The following ADARB2 variants were observed in gnomAD, a reference collection of about 807,000 sequenced individuals.
The protein encoded by ADARB2 is inactive double-stranded RNA-specific editase B2.
A neutral mutation model predicts 62.2 loss-of-function variants in ADARB2; 25 were observed. That is an observed-to-expected ratio of 0.40 (90% confidence interval 0.29 to 0.56). The LOEUF is 0.56. Among genes scored for constraint, ADARB2 ranks in the 20% least tolerant of loss-of-function variants. ADARB2 has a pLI of 0.43. For synonymous variants in ADARB2, 572 were observed against 500.8 expected, an observed-to-expected ratio of 1.14 and a Z score of -1.90; for missense variants, 1,071 against 1,077.4, an observed-to-expected ratio of 0.99 and a Z score of 0.08.
intron 4 of ADARB2, among the ~76,000 whole-genome samples, chr10:1,253,209 T>C (rs1564236544): frequency 6.6e-6 from 1 of 152,218 alleles, no homozygotes; most frequent in Non-Finnish European, 1.5e-5. Context: ...TTATGATACA[T>C]ATATTTCTGT....
At chr10:1,653,668 C>G (rs1289111318) in intron 1 of ADARB2, among the ~76,000 whole-genome samples, 1 of 152,000 alleles carries the variant, frequency 6.6e-6, no homozygotes, top group Non-Finnish European at 1.5e-5. Context: ...TGCAGAGCCG[C>G]AGGGTCTGGG....
intron 1 of ADARB2, among the ~76,000 whole-genome samples, chr10:1,457,004 C>A (rs923958337): frequency 1.3e-5 from 2 of 152,054 alleles, no homozygotes; most frequent in African/African-American, 4.8e-5. Flanking sequence ...ACCATCTCTG[C>A]CCGCCTCGGC....
At chr10:1,709,827 G>C (rs17221979) in intron 1 of ADARB2, among the ~76,000 whole-genome samples, 50,026 of 152,122 alleles carry the variant, frequency 0.33, 8,850 homozygotes, top group Middle Eastern at 0.47. Context: ...CAGCTCAGCT[G>C]TGTTATTGAG....
intron 5 of ADARB2, 78 bp downstream of exon 5, chr10:1,242,053 G>A: frequency 3.4e-6 from 5 of 1,459,826 alleles, no homozygotes; most frequent in Non-Finnish European, 4.6e-6. Flanking sequence ...TCTGAGCCAG[G>A]CATGGGGCCC....
chr10:1,288,758 G>T (rs1039673062), intron 3 of ADARB2, among the ~76,000 whole-genome samples: 2 of 152,220 alleles, frequency 1.3e-5, no homozygotes, highest in African/African-American at 4.8e-5. Flanking sequence ...TCAAGACCAC[G>T]GGGTACTTCT....
chr10:1,207,966 G>A (rs61831971), intron 7 of ADARB2, among the ~76,000 whole-genome samples: 41,148 of 152,138 alleles, frequency 0.27, 6,837 homozygotes, highest in South Asian at 0.45. Context: ...AAAACAGGCC[G>A]CGTCCACAGG....
intron 1 of ADARB2, among the ~76,000 whole-genome samples, chr10:1,647,658 GTA>G (rs1266718196): frequency 6.6e-6 from 1 of 151,796 alleles, no homozygotes; most frequent in African/African-American, 2.4e-5. Context: ...GGGTATATGA[GTA>G]TATATGTGTA....
Position 1,181,675 on chromosome 10 carries a change from T to G in ADARB2, c.*1518A>C. The G allele has an allele frequency of 6.6e-6, 1 of 152,274 alleles. No individual in the cohort carries two copies. The highest frequency in any genetic ancestry group is 1.9e-4 in the East Asian group (1 of 5,204). 9.4% of individuals were successfully genotyped at this position (152,274 alleles called of 1,614,324 possible). A position where few individuals can be genotyped will look rare whatever the true frequency, so the allele number is the denominator to read the frequency against. ...ACAGCACAATGTTATTCTTGCACTT[T>G]CTGGGGTGGTCAGCTGGGATTCTTT... On this transcript the variant is annotated 3_prime_UTR_variant, in exon 10 of 10. Coordinates refer to ENST00000381312, the MANE Select transcript of ADARB2 (RefSeq NM_018702.4).
intron 1 of ADARB2, among the ~76,000 whole-genome samples, chr10:1,735,354 C>A (rs1047231948): frequency 1.3e-5 from 2 of 152,212 alleles, no homozygotes; most frequent in Non-Finnish European, 2.9e-5. Flanking sequence ...TCTAAGCTAG[C>A]ATGACTGACG....
At chr10:1,524,862 C>T (rs1832120868) in intron 1 of ADARB2, among the ~76,000 whole-genome samples, 1 of 152,170 alleles carries the variant, frequency 6.6e-6, no homozygotes, top group South Asian at 2.1e-4. Flanking sequence ...CAGCCTAGAA[C>T]TAGCAGTCTG....
At chr10:1,245,148 G>A (rs1332826978) in intron 4 of ADARB2, among the ~76,000 whole-genome samples, 1 of 152,238 alleles carries the variant, frequency 6.6e-6, no homozygotes, top group East Asian at 1.9e-4. Flanking sequence ...TGAGGACTTA[G>A]GAAGCACCCT....
chr10:1,581,826 A>ATGTG lies in ADARB2; in HGVS notation c.100+155221_100+155224dup, dbSNP rs56180704. Among the ~76,000 whole-genome samples the ATGTG allele has an allele frequency of 2.5e-3, 367 of 148,492 alleles. 1 individual carries two copies. The highest frequency in any genetic ancestry group is 7.5e-3 in the African/African-American group (299 of 39,948). On this transcript the variant is annotated intron_variant, in intron 1 of 9. Transcript: ENST00000381312. ...AGGCATAGAGATGACTTAGAAATAG[A>ATGTG]TGTGTGTGTGTGTGTGTGTGTGTGT...
At position 1,632,347 on chromosome 10, in the gene ADARB2, A is replaced by T. The variant is rs940445573; in HGVS notation, c.100+104704T>A. Among the ~76,000 whole-genome samples the T allele has an allele frequency of 2.0e-5, 3 of 152,216 alleles. No homozygotes were observed. In the East Asian group the frequency reaches 5.8e-4, roughly 29 times the overall value. On this transcript the variant is annotated intron_variant, in intron 1 of 9. Coordinates refer to ENST00000381312, the MANE Select transcript of ADARB2 (RefSeq NM_018702.4). Reference sequence around the variant, plus strand: ...TACTCACGTGCACACACATGCACACACAGTACACGTATACTCACACAGGCT... The same window carrying T: ...TACTCACGTGCACACACATGCACACTCAGTACACGTATACTCACACAGGCT...
chr10:1,462,815 CTGTGTGTAGTGTGCA>C (rs1831195741), intron 1 of ADARB2, among the ~76,000 whole-genome samples: 1 of 151,562 alleles, frequency 6.6e-6, no homozygotes, highest in South Asian at 2.1e-4. Context: ...ATGTGTGTGT[CTGTGTGTAGTGTGCA>C]TGTGTGTATG....
At chr10:1,281,638 T>C (rs1477285419) in intron 3 of ADARB2, among the ~76,000 whole-genome samples, 2 of 152,210 alleles carry the variant, frequency 1.3e-5, no homozygotes, top group South Asian at 2.1e-4. Context: ...ACAGAGACTG[T>C]CACCCCAGAG....
intron 3 of ADARB2, among the ~76,000 whole-genome samples, chr10:1,335,672 A>G (rs1831967466): frequency 1.3e-5 from 2 of 152,140 alleles, no homozygotes; most frequent in African/African-American, 4.8e-5. Flanking sequence ...CTTTTCTAAA[A>G]CCTGAGGAAC....
intron 8 of ADARB2, among the ~76,000 whole-genome samples, chr10:1,193,435 G>A (rs1212101016): frequency 2.6e-5 from 4 of 152,288 alleles, no homozygotes; most frequent in African/African-American, 9.6e-5. Flanking sequence ...CAAAAGATAT[G>A]GGACAAAGGG....
intron 1 of ADARB2, among the ~76,000 whole-genome samples, chr10:1,387,018 C>G (rs1832531045): frequency 6.6e-6 from 1 of 151,670 alleles, no homozygotes. Context: ...GTAAGTGACC[C>G]AAGAGTTAAA....
intron 1 of ADARB2, among the ~76,000 whole-genome samples, chr10:1,563,391 C>T (rs1228481413): frequency 4.6e-5 from 7 of 152,168 alleles, no homozygotes; most frequent in Non-Finnish European, 1.0e-4. Context: ...TGTGTCCCTG[C>T]GTCCCCCTCA....
Sources: gnomAD v4.1 joint callset for allele counts (sites outside exome capture counted in the v4.1 genomes callset) on GRCh38, gnomAD v4.1.1 for gene constraint, MANE v1.5 for transcripts, NCBI Gene and HGNC (gene_info 2026-07-23, HGNC 2026-07-21) for gene names.